MBTPS1: variants seen among roughly 807,000 people sequenced by gnomAD.
The protein encoded by MBTPS1 is membrane-bound transcription factor site-1 protease.
In MBTPS1, 94 loss-of-function variants were observed where a neutral mutation model predicts 127.8. The ratio of observed to expected loss-of-function variants is 0.74; its 90% confidence interval spans 0.62 to 0.87. MBTPS1 has a LOEUF of 0.87. Among genes scored for constraint, MBTPS1 ranks in the 40% least tolerant of loss-of-function variants. The pLI is 0.00. For synonymous variants in MBTPS1, 632 were observed against 509.4 expected, an observed-to-expected ratio of 1.24 and a Z score of -3.24; for missense variants, 1,636 against 1,353.2, an observed-to-expected ratio of 1.21 and a Z score of -3.28.
At position 84,053,898 on chromosome 16, in the gene MBTPS1, T is replaced by TTTG. The variant is rs2085476980; in HGVS notation, c.*548_*550dup. On this transcript the variant is annotated 3_prime_UTR_variant, in exon 23 of 23. Coordinates refer to ENST00000343411, the MANE Select transcript of MBTPS1 (RefSeq NM_003791.4). ...AAAGCGAAGGTCTATGTTTTACAGATTTGTGCATGTTTCCTTCAAATCTCA... is the reference window on the plus strand; with the variant it reads ...AAAGCGAAGGTCTATGTTTTACAGATTTGTTGTGCATGTTTCCTTCAAATCTCA... 1 of 152,346 alleles carries TTTG rather than the reference T, an allele frequency of 6.6e-6. No individual in the cohort carries two copies. Among genetic ancestry groups the TTTG allele is most frequent in the Admixed American group, 6.5e-5 (1 of 15,280 alleles). The allele number at this position is 152,346 out of a possible 1,614,324, so 9.4% of individuals were successfully genotyped here.
intron 20 of MBTPS1, chr16:84,059,666 A>G: frequency 2.6e-6 from 1 of 391,734 alleles, no homozygotes; most frequent in East Asian, 4.8e-5. Flanking sequence ...TCCCTTGAAG[A>G]TGGGCAGATG....
At position 84,080,811 on chromosome 16, in the gene MBTPS1, C is replaced by T. The variant is rs187809847; in HGVS notation, c.1448+936G>A. Among the ~76,000 whole-genome samples, 499 of 152,352 alleles carry T rather than the reference C, an allele frequency of 3.3e-3. 5 individuals carry two copies. Among genetic ancestry groups the T allele is most frequent in the Middle Eastern group, 0.014 (4 of 294 alleles). On this transcript the variant is annotated intron_variant, in intron 11 of 22. Coordinates refer to ENST00000343411, the MANE Select transcript of MBTPS1 (RefSeq NM_003791.4). ...CTGCAGTTCCTGCCTATTCCCACAC[C>T]CTTCCCTTTATCCTTCAGAGGCCCT... is the stretch of plus-strand genomic sequence containing the variant.
chr16:84,085,613 C>A (rs938340026), intron 9 of MBTPS1, among the ~76,000 whole-genome samples: 1 of 123,274 alleles, frequency 8.1e-6, no homozygotes, highest in South Asian at 2.5e-4. Context: ...AAGAAATTCA[C>A]TACAATACAG....
intron 16 of MBTPS1, among the ~76,000 whole-genome samples, chr16:84,067,028 C>T (rs192911545): frequency 3.0e-3 from 459 of 152,148 alleles, no homozygotes; most frequent in Middle Eastern, 0.02. Flanking sequence ...AAGGGAAGGA[C>T]ATTATTCCCT....
intron 8 of MBTPS1, among the ~76,000 whole-genome samples, chr16:84,090,008 C>T (rs564442480): frequency 6.6e-6 from 1 of 152,294 alleles, no homozygotes; most frequent in South Asian, 2.1e-4. Flanking sequence ...CAGCAAAATC[C>T]AGAACCCTGG....
intron 18 of MBTPS1, among the ~76,000 whole-genome samples, chr16:84,064,929 G>A (rs911249278): frequency 6.6e-6 from 1 of 152,018 alleles, no homozygotes; most frequent in African/African-American, 2.4e-5. Context: ...TATCCTTAAC[G>A]TCCACGTACA....
chr16:84,093,598 C>G lies in MBTPS1; in HGVS notation c.736+113G>C, dbSNP rs555326325. On this transcript the variant is annotated intron_variant, in intron 5 of 22. Coordinates refer to ENST00000343411, the MANE Select transcript of MBTPS1 (RefSeq NM_003791.4). ...GAGCAGTTTCTGCCACAACAAAAAG[C>G]ACAATAACACCTTGGGCTTGTCTGA... is the stretch of plus-strand genomic sequence containing the variant. 244 of 804,038 alleles carry G rather than the reference C, an allele frequency of 3.0e-4. 2 individuals carry two copies. The Middle Eastern group carries it at 4.5e-3, about 15-fold the overall frequency. 49.8% of individuals were successfully genotyped at this position (804,038 alleles called of 1,614,324 possible).
At chr16:84,062,302 G>A (rs1355236533) in intron 19 of MBTPS1, among the ~76,000 whole-genome samples, 1 of 152,064 alleles carries the variant, frequency 6.6e-6, no homozygotes, top group Non-Finnish European at 1.5e-5. Context: ...TGTATTTTTA[G>A]TAGAGACGCG....
At chr16:84,086,686 G>A (rs17726231) in intron 9 of MBTPS1, 8,486 of 152,378 alleles carry the variant, frequency 0.056, 348 homozygotes, top group Non-Finnish European at 0.091. Context: ...GGCATGTGAC[G>A]TTAAACACCA....
At chr16:84,069,596 G>A (rs2085740551) in intron 14 of MBTPS1, among the ~76,000 whole-genome samples, 1 of 152,144 alleles carries the variant, frequency 6.6e-6, no homozygotes, top group Non-Finnish European at 1.5e-5. Flanking sequence ...GCAGTTTGAG[G>A]GTAAGACTGA....
In MBTPS1 at chr16:84,067,676, T is replaced by C; in HGVS notation, c.2219A>G (p.Glu740Gly). The C allele has an allele frequency of 6.2e-7, 1 of 1,611,960 alleles. No homozygotes were observed. Among genetic ancestry groups the C allele is most frequent in the Non-Finnish European group, 8.5e-7 (1 of 1,178,178 alleles). ...TGCGTATCAACAGTACCTTGTGTTT[T>C]CATCATAAAACTTCACTTTTCTCAT... is the stretch of plus-strand genomic sequence containing the variant. ...SVMRKVKFYDENTRQWWMPDT... is the reference protein window; with the variant it reads ...SVMRKVKFYDGNTRQWWMPDT... The change falls in exon 16 of 23, where the codon GAA (glutamate) becomes GGA (glycine). Residue 740 changes from glutamate (E) to glycine (G), a missense_variant. By Grantham distance (98) the Glu-to-Gly change is moderately conservative. Coordinates refer to ENST00000343411, the MANE Select transcript of MBTPS1 (RefSeq NM_003791.4).
intron 7 of MBTPS1, among the ~76,000 whole-genome samples, 171 bp from the exon 8 acceptor site, chr16:84,091,113 G>C (rs574030816): frequency 1.1e-4 from 17 of 152,246 alleles, no homozygotes; most frequent in Admixed American, 8.5e-4. Flanking sequence ...ATACCACCCG[G>C]GACGGAGAAG....
chr16:84,056,062 G>C lies in MBTPS1; in HGVS notation c.2905C>G (p.Arg969Gly), dbSNP rs748531460. 1 of 1,614,076 alleles carries C rather than the reference G, an allele frequency of 6.2e-7. No homozygotes were observed. The highest frequency in any genetic ancestry group is 2.2e-5 in the East Asian group (1 of 44,886). The stretch of plus-strand genomic sequence containing the variant: ...GGGGACAAGGGCCTCACTTGAGGGC[G>C]ATTCGATCGAAAGTTGGGTAACACC... Reference protein sequence around the residue: ...KVVLPNFRSNRPQVRPLSPGE... With the variant: ...KVVLPNFRSNGPQVRPLSPGE... The change falls in exon 22 of 23, where the codon CGC becomes GGC. Residue 969 changes from arginine to glycine, a missense_variant. By Grantham distance (125) the Arg-to-Gly change is moderately radical. Coordinates refer to ENST00000343411, the MANE Select transcript of MBTPS1 (RefSeq NM_003791.4).
intron 1 of MBTPS1, among the ~76,000 whole-genome samples, chr16:84,115,128 C>A (rs1398683639): frequency 6.6e-6 from 1 of 152,066 alleles, no homozygotes; most frequent in East Asian, 2.0e-4. Flanking sequence ...GGGATTTCAC[C>A]ACGTTGGCCA....
At chr16:84,055,913 A>T in intron 22 of MBTPS1, 92 bp downstream of exon 22, 1 of 1,396,148 alleles carries the variant, frequency 7.2e-7, no homozygotes, top group African/African-American at 1.5e-5. Context: ...AGAGACAGGG[A>T]GAGTCTGGCC....
In MBTPS1 at chr16:84,091,846, T is replaced by C. The variant is rs1346760730; in HGVS notation, c.849A>G (p.Val283=). Residue 283 remains valine (V), a splice_region_variant and synonymous_variant, in exon 7 of 23, where the codon GTA becomes GTG. Transcript: ENST00000343411. ...HIFRVFTNNQ[V]SYTSWFLDAF... is the part of the protein sequence containing the mutation. Reference sequence around the variant, plus strand: ...CGTCCAAAAACCAAGATGTGTAAGATACCTAGTTAAATATTATAACAGTCT... The same window carrying C: ...CGTCCAAAAACCAAGATGTGTAAGACACCTAGTTAAATATTATAACAGTCT... The C allele has an allele frequency of 2.6e-6, 4 of 1,547,658 alleles. No individual in the cohort carries two copies. Among genetic ancestry groups the C allele is most frequent in the Non-Finnish European group, 3.6e-6 (4 of 1,119,336 alleles).
chr16:84,061,922 A>G (rs1399493890), intron 19 of MBTPS1, among the ~76,000 whole-genome samples: 1 of 152,142 alleles, frequency 6.6e-6, no homozygotes, highest in African/African-American at 2.4e-5. Flanking sequence ...ATTAAAGGGC[A>G]CTTCTGGTCA....
At chr16:84,080,961 A>G (rs931298923) in intron 11 of MBTPS1, among the ~76,000 whole-genome samples, 1 of 152,250 alleles carries the variant, frequency 6.6e-6, no homozygotes, top group Non-Finnish European at 1.5e-5. Flanking sequence ...GATGAAGGAA[A>G]ACGGAGGAAC....
At position 84,087,472 on chromosome 16, in the gene MBTPS1, CCAA is replaced by C; in HGVS notation, c.1032-15_1032-13del. The C allele has an allele frequency of 1.0e-5, 10 of 981,872 alleles. No homozygotes were observed. The highest frequency in any genetic ancestry group is 3.4e-5 in the Admixed American group (1 of 29,580). The allele number at this position is 981,872 out of a possible 1,614,324, so 60.8% of individuals were successfully genotyped here. A position where few individuals can be genotyped will look rare whatever the true frequency, so the allele number is the denominator to read the frequency against. On this transcript the variant is annotated splice_polypyrimidine_tract_variant and intron_variant, in intron 8 of 22. Transcript: ENST00000343411. ...GGTTATTCAGAGTGCTATATTGAGA[CCAA>C]AAAAAAAAAAAAAGAAAAGAAAAAG...
Sources: gnomAD v4.1 joint callset for allele counts (sites outside exome capture counted in the v4.1 genomes callset) on GRCh38, gnomAD v4.1.1 for gene constraint, MANE v1.5 for transcripts, NCBI Gene and HGNC (gene_info 2026-07-23, HGNC 2026-07-21) for gene names.